Variants in MGAM2 observed in about 807,000 individuals in gnomAD.
MGAM2 encodes the protein maltase-glucoamylase 2 (putative), also known as probable maltase-glucoamylase 2.
A neutral mutation model predicts 96.1 loss-of-function variants in MGAM2; 98 were observed. The ratio of observed to expected loss-of-function variants is 1.02; its 90% CI spans 0.87 to 1.21. The LOEUF (loss-of-function observed/expected upper bound fraction) is 1.21, where lower values mean the gene tolerates loss of function less well. MGAM2 is among the 50% of genes most tolerant of loss of function. The pLI is 0.00. For synonymous variants in MGAM2, 749 were observed against 414.8 expected (o/e 1.81, Z -9.79); for missense variants, 2,055 against 1,182.4 (o/e 1.74, Z -10.82).
chr7:142,210,873 A>T (rs1250180349), intron 46 of MGAM2, among the ~76,000 whole-genome samples: 1 of 151,800 alleles, frequency 6.6e-6, no homozygotes, highest in East Asian at 1.9e-4. Flanking sequence ...TGGGTCCCTG[A>T]CCCCCGTGCC....
chr7:142,197,461 C>G lies in MGAM2; in HGVS notation c.4694C>G (p.Thr1565Ser). The G allele has an allele frequency of 1.4e-6, 1 of 702,962 alleles. No individual in the cohort carries two copies. Among genetic ancestry groups the G allele is most frequent in the Non-Finnish European group, 2.6e-6 (1 of 385,004 alleles). 43.5% of individuals were successfully genotyped at this position (702,962 alleles called of 1,614,324 possible). The change falls in exon 41 of 48, where the codon ACC becomes AGC. Residue 1565 changes from threonine to serine, a missense_variant. Physicochemically the swap from Thr to Ser is moderately conservative, Grantham distance 58. Transcript: ENST00000477922. ...ATGTTGTCCAGAAAAGTCCTAGAGA[C>G]CAGATATACCCTGCTTCCTTATCTC... ...FEMLSRKVLE[T>S]RYTLLPYLYT...
intron 3 of MGAM2, among the ~76,000 whole-genome samples, chr7:142,123,249 C>A: frequency 6.6e-6 from 1 of 150,612 alleles, no homozygotes. Flanking sequence ...TTTTACAGCA[C>A]GATTCAAAAA....
intron 1 of MGAM2, among the ~76,000 whole-genome samples, chr7:142,113,454 A>T (rs920121236): frequency 6.6e-5 from 10 of 152,176 alleles, no homozygotes; most frequent in Non-Finnish European, 1.3e-4. Flanking sequence ...GATACCGGGA[A>T]AGTAGTCTGA....
In MGAM2 at chr7:142,221,224, C is replaced by A. The variant is rs1388805299; in HGVS notation, c.6713C>A (p.Thr2238Lys). The change falls in exon 48 of 48, where the codon ACA (threonine) becomes AAA (lysine). Residue 2238 changes from threonine to lysine, a missense_variant. Transcript: ENST00000477922. ...VASTNNDASM[T>K]NFLLATMSAG... ...AGCACAAATAATGATGCTTCTATGA[C>A]AAATTTTCTTTTAGCTACAATGTCT... 5.7e-6 allele frequency: 4 copies of A among 701,490 alleles called. 1 individual carries two copies. Among genetic ancestry groups the A allele is most frequent in the South Asian group, 4.4e-5 (3 of 67,482 alleles). 43.5% of individuals were successfully genotyped at this position (701,490 alleles called of 1,614,324 possible).
Position 142,219,891 on chromosome 7 carries a change from G to T in MGAM2, c.5380G>T (p.Asp1794Tyr). The T allele has an allele frequency of 1.4e-6, 1 of 701,394 alleles. No homozygotes were observed. The highest frequency in any genetic ancestry group is 1.5e-5 in the South Asian group (1 of 67,350). 43.4% of individuals were successfully genotyped at this position (701,394 alleles called of 1,614,324 possible). Residue 1794 changes from aspartate (D) to tyrosine (Y), a missense_variant, in exon 48 of 48, where the codon GAC (aspartate) becomes TAC (tyrosine). Asp to Tyr is a radical substitution (Grantham distance 160). Transcript: ENST00000477922. ...YNQILTIQLT[D>Y]KTINLEKLTE... ...GCAGATACTAACTATTCAATTGACT[G>T]ACAAGACTATCAACCTGGAAAAGTT...
At chr7:142,198,845 A>G (rs781668227) in intron 44 of MGAM2, 106 bp downstream of exon 44, 2 of 600,702 alleles carry the variant, frequency 3.3e-6, no homozygotes, top group South Asian at 2.0e-5. Flanking sequence ...TATAAACTAA[A>G]TTGCCAAACA....
chr7:142,158,204 T>C, intron 18 of MGAM2, 44 bp from the exon 19 acceptor site: 1 of 702,824 alleles, frequency 1.4e-6, no homozygotes, highest in Admixed American at 2.0e-5. Flanking sequence ...CATTGTCCTG[T>C]ATTAGAGACT....
chr7:142,180,009 T>A (rs1232161744), intron 32 of MGAM2, among the ~76,000 whole-genome samples: 1 of 152,018 alleles, frequency 6.6e-6, no homozygotes, highest in African/African-American at 2.4e-5. Context: ...GTTGGTGGGC[T>A]TTTTATTGCT....
intron 12 of MGAM2, among the ~76,000 whole-genome samples, chr7:142,142,797 C>T (rs900330799): frequency 2.6e-5 from 4 of 152,140 alleles, no homozygotes; most frequent in African/African-American, 9.7e-5. Flanking sequence ...ATCCACCTGC[C>T]TCAGCCTCCC....
At chr7:142,122,335 A>G (rs184177083) in intron 3 of MGAM2, among the ~76,000 whole-genome samples, 10 of 152,340 alleles carry the variant, frequency 6.6e-5, no homozygotes, top group Admixed American at 6.5e-4. Flanking sequence ...TTATCTTCAG[A>G]TATTACACTT....
chr7:142,203,163 T>C lies in MGAM2; in HGVS notation c.5137+3195T>C, dbSNP rs116985613. The stretch of plus-strand genomic sequence containing the variant: ...TTTGCTTCTTGATTTAAGTTTCTTA[T>C]AGAATCTGGATGTTAGACCTTTGTT... On this transcript the variant is annotated intron_variant, in intron 45 of 47. Coordinates refer to ENST00000477922, the MANE Select transcript of MGAM2 (RefSeq NM_001293626.2). Among the ~76,000 whole-genome samples, 739 of 152,314 alleles carry C rather than the reference T, an allele frequency of 4.9e-3. 20 individuals are homozygous for C. Among genetic ancestry groups the C allele is most frequent in the Admixed American group, 0.033 (504 of 15,290 alleles).
intron 12 of MGAM2, among the ~76,000 whole-genome samples, chr7:142,143,042 C>G (rs1795280062): frequency 6.6e-6 from 1 of 152,166 alleles, no homozygotes; most frequent in South Asian, 2.1e-4. Flanking sequence ...ATTTCAAGCT[C>G]CCATCTTGAG....
chr7:142,207,588 G>A (rs1363977096), intron 45 of MGAM2, among the ~76,000 whole-genome samples: 1 of 151,824 alleles, frequency 6.6e-6, no homozygotes, highest in African/African-American at 2.4e-5. Context: ...ACCACGCCCG[G>A]CTAATTTTGT....
chr7:142,182,384 G>A (rs776648736), intron 32 of MGAM2, among the ~76,000 whole-genome samples: 43 of 152,102 alleles, frequency 2.8e-4, no homozygotes, highest in Admixed American at 2.8e-3. Context: ...CAGACGGGTG[G>A]CATGCAGATC....
chr7:142,187,378 G>C (rs1311678620), intron 35 of MGAM2, among the ~76,000 whole-genome samples: 1 of 152,206 alleles, frequency 6.6e-6, no homozygotes, highest in Non-Finnish European at 1.5e-5. Flanking sequence ...AACAAGATGG[G>C]CTACCTCTGT....
intron 38 of MGAM2, 54 bp from the exon 39 acceptor site, chr7:142,196,511 A>C: frequency 1.4e-6 from 1 of 705,262 alleles, no homozygotes; most frequent in Non-Finnish European, 2.6e-6. Context: ...CCAAGCCTTC[A>C]CTCTCCTCCC....
intron 46 of MGAM2, among the ~76,000 whole-genome samples, chr7:142,216,771 A>G (rs1206346605): frequency 6.6e-6 from 1 of 152,140 alleles, no homozygotes; most frequent in Non-Finnish European, 1.5e-5. Context: ...AGTCTTGTTC[A>G]TCCTTCATGA....
rs1056853296 is a variant in MGAM2 at position 142,148,696 on chromosome 7, C to T, written c.1634+1123C>T. 1.3e-5 allele frequency among the ~76,000 whole-genome samples: 2 copies of T among 152,234 alleles called. No individual in the cohort carries two copies. The highest frequency in any genetic ancestry group is 2.1e-4 in the South Asian group (1 of 4,818). On this transcript the variant is annotated intron_variant, in intron 15 of 47. Coordinates refer to ENST00000477922, the MANE Select transcript of MGAM2 (RefSeq NM_001293626.2). This position sits in a 1 kb window ranked among gnomAD's most constrained non-coding sequence, Gnocchi z 4.2. The stretch of plus-strand genomic sequence containing the variant: ...TTAATTTGAATTTGCAGCACAGATG[C>T]GGAAACTAAAGAGCTGCTGTGGATC...
At chr7:142,205,422 C>A (rs932323917) in intron 45 of MGAM2, among the ~76,000 whole-genome samples, 1 of 152,080 alleles carries the variant, frequency 6.6e-6, no homozygotes, top group African/African-American at 2.4e-5. Context: ...TTTTACATCT[C>A]AATCAGCAGT....
Sources: allele counts gnomAD v4.1 joint callset (sites outside exome capture counted in the v4.1 genomes callset), GRCh38; gene constraint gnomAD v4.1.1; non-coding constraint Gnocchi (gnomAD v3.1); transcripts MANE v1.5; gene names NCBI Gene and HGNC (gene_info 2026-07-23, HGNC 2026-07-21).